TTC34: variants seen among roughly 807,000 people sequenced by gnomAD.
TTC34 encodes tetratricopeptide repeat protein 34.
A neutral mutation model predicts 40.7 loss-of-function variants in TTC34; 44 were observed. The observed-to-expected ratio is 1.08, with a 90% confidence interval of 0.85 to 1.39. The LOEUF (loss-of-function observed/expected upper bound fraction) is 1.39, where lower values mean the gene tolerates loss of function less well. Ranked by LOEUF, TTC34 falls within the 40% of genes most tolerant of loss-of-function variation. The pLI, the probability that TTC34 is intolerant of heterozygous loss-of-function variation, is 0.00. For synonymous variants in TTC34, 422 were observed against 398.6 expected (o/e 1.06, Z -0.70); for missense variants, 884 against 838.0 (o/e 1.05, Z -0.68).
At chr1:2,686,161 C>A (rs879453373) in intron 6 of TTC34, among the ~76,000 whole-genome samples, 2 of 131,384 alleles carry the variant, frequency 1.5e-5, no homozygotes, top group Non-Finnish European at 3.2e-5. Context: ...GCACGCATAA[C>A]CACAGGTGAA....
rs1643649773 is a variant in TTC34, at chr1:2,790,361, A to G, written c.785-15T>C. On this transcript the variant is annotated splice_polypyrimidine_tract_variant and intron_variant, in intron 2 of 8. Transcript: ENST00000401095. ...TCGGCGCTCACCTGCGGAGAGAAAC[A>G]GAGGCGTGGGTTCTGCCTGGGGGGC... The G allele has an allele frequency of 5.0e-6, 2 of 398,392 alleles. No individual in the cohort carries two copies. Among genetic ancestry groups the G allele is most frequent in the Non-Finnish European group, 8.8e-6 (2 of 226,014 alleles). 24.7% of individuals were successfully genotyped at this position (398,392 alleles called of 1,614,324 possible).
intron 6 of TTC34, among the ~76,000 whole-genome samples, chr1:2,780,558 T>G (rs1243154305): frequency 6.6e-6 from 1 of 152,212 alleles, no homozygotes; most frequent in African/African-American, 2.4e-5. Flanking sequence ...GGTCAAATCA[T>G]TTGACCATCT....
At chr1:2,794,501 T>A (rs1643695041) in intron 2 of TTC34, among the ~76,000 whole-genome samples, 1 of 152,238 alleles carries the variant, frequency 6.6e-6, no homozygotes, top group Non-Finnish European at 1.5e-5. Flanking sequence ...TACCTTTTTG[T>A]TGCTTCTTTT....
intron 6 of TTC34, among the ~76,000 whole-genome samples, chr1:2,782,713 A>T (rs1406323966): frequency 6.6e-6 from 1 of 152,098 alleles, no homozygotes; most frequent in Non-Finnish European, 1.5e-5. Flanking sequence ...GCATTGTCTA[A>T]CTTCTCGAAG....
rs1266278925 is a variant in TTC34 at position 2,761,138 on chromosome 1, C to G, written c.2226+22471G>C. On this transcript the variant is annotated intron_variant, in intron 6 of 8. Transcript: ENST00000401095. ...TCACATACTCCCCCAGGTGAGCATCCGACAGCCTGGAGCAGCGCCGACCCC... is the reference window on the plus strand; with the variant it reads ...TCACATACTCCCCCAGGTGAGCATCGGACAGCCTGGAGCAGCGCCGACCCC... Among the ~76,000 whole-genome samples the G allele has an allele frequency of 6.3e-5, 3 of 47,246 alleles. 1 individual carries two copies. Among genetic ancestry groups the G allele is most frequent in the Non-Finnish European group, 1.0e-4 (3 of 29,182 alleles). 31.0% of individuals were successfully genotyped at this position (47,246 alleles called of 152,430 possible).
At chr1:2,800,937 C>G in intron 1 of TTC34, 69 bp from the exon 2 acceptor site, 1 of 398,126 alleles carries the variant, frequency 2.5e-6, no homozygotes, top group Non-Finnish European at 4.4e-6. Flanking sequence ...CCACCCGTGC[C>G]CAGCCTCAAG....
intron 6 of TTC34, among the ~76,000 whole-genome samples, chr1:2,688,247 AC>A (rs1640461094): frequency 7.6e-6 from 1 of 132,112 alleles, no homozygotes; most frequent in African/African-American, 3.4e-5. Flanking sequence ...CAGCACCCAC[AC>A]CCCCAGGGGA....
intron 6 of TTC34, among the ~76,000 whole-genome samples, chr1:2,673,238 C>T: frequency 2.6e-5 from 2 of 75,664 alleles, no homozygotes; most frequent in African/African-American, 8.0e-5. Flanking sequence ...AGCCACACCC[C>T]CAGGCGAGCA....
chr1:2,685,233 C>G (rs1640276780), intron 6 of TTC34, among the ~76,000 whole-genome samples: 3 of 70,252 alleles, frequency 4.3e-5, no homozygotes, highest in Admixed American at 1.4e-4. Context: ...GGAGCAGCAC[C>G]CACACCCCAG....
At chr1:2,775,262 T>G (rs1396939307) in intron 6 of TTC34, 4 of 145,730 alleles carry the variant, frequency 2.7e-5, no homozygotes, top group East Asian at 2.1e-4. Context: ...TGGAATGACA[T>G]CCTCACATCC....
Position 2,641,461 on chromosome 1 carries a change from C to T in TTC34, c.3147G>A (p.Glu1049=), listed in dbSNP as rs1418811928. 4.6e-6 allele frequency: 7 copies of T among 1,535,656 alleles called. 1 individual carries two copies. The South Asian group carries it at 8.3e-5, about 18-fold the overall frequency. Residue 1049 remains glutamate, a synonymous_variant, in exon 9 of 9, where the codon GAG becomes GAA. Transcript: ENST00000401095. Reference sequence around the variant, plus strand: ...GGTCGGGGTCCACCAGGAGGCCGCTCTCTACCGCCGTCCAGGCCTCTGCGT... The same window carrying T: ...GGTCGGGGTCCACCAGGAGGCCGCTTTCTACCGCCGTCCAGGCCTCTGCGT...
At chr1:2,759,627 C>G (rs1641625484) in intron 6 of TTC34, among the ~76,000 whole-genome samples, 46 of 152,000 alleles carry the variant, frequency 3.0e-4, no homozygotes, top group Non-Finnish European at 4.7e-4. Flanking sequence ...CAGCCTGGAA[C>G]AGCACCCACA....
At chr1:2,785,548 C>A (rs1403845808) in intron 5 of TTC34, among the ~76,000 whole-genome samples, 1 of 152,172 alleles carries the variant, frequency 6.6e-6, no homozygotes, top group Non-Finnish European at 1.5e-5. Context: ...ACTGGGGGTG[C>A]TGGGACGGCA....
intron 2 of TTC34, 115 bp downstream of exon 2, chr1:2,799,929 G>A: frequency 2.5e-6 from 1 of 397,916 alleles, no homozygotes; most frequent in Non-Finnish European, 4.4e-6. Flanking sequence ...TTGTCACTGA[G>A]GCACCCCAGC....
chr1:2,648,547 A>T (rs1319730686), intron 6 of TTC34, among the ~76,000 whole-genome samples: 2 of 151,926 alleles, frequency 1.3e-5, no homozygotes, highest in African/African-American at 4.8e-5. Context: ...CATTATATCC[A>T]GTTTATACAG....
intron 6 of TTC34, among the ~76,000 whole-genome samples, chr1:2,646,075 C>T (rs1010986503): frequency 1.3e-5 from 2 of 152,306 alleles, no homozygotes; most frequent in Non-Finnish European, 1.5e-5. Flanking sequence ...CCGTAACTCC[C>T]AGAAGCAGTG....
intron 2 of TTC34, among the ~76,000 whole-genome samples, chr1:2,798,866 T>C (rs143618880): frequency 0.016 from 354 of 22,244 alleles, no homozygotes; most frequent in East Asian, 0.02. Context: ...TCCCAGCCTC[T>C]CAGCCTCCAA....
intron 6 of TTC34, among the ~76,000 whole-genome samples, chr1:2,755,586 C>T (rs1214705409): frequency 1.0e-5 from 1 of 98,842 alleles, no homozygotes; most frequent in Non-Finnish European, 2.0e-5. Flanking sequence ...CCCACACCTC[C>T]CGGCGAGCAT....
At chr1:2,695,037 C>G (rs1342267354) in intron 6 of TTC34, among the ~76,000 whole-genome samples, 15 of 151,442 alleles carry the variant, frequency 9.9e-5, no homozygotes, top group South Asian at 2.1e-4. Context: ...CCTGCACCCC[C>G]AGGTGAGCAT....
Sources: allele counts gnomAD v4.1 joint callset (sites outside exome capture counted in the v4.1 genomes callset), GRCh38; gene constraint gnomAD v4.1.1; transcripts MANE v1.5; gene names NCBI Gene and HGNC (gene_info 2026-07-23, HGNC 2026-07-21).